The following PLCZ1 variants were observed in gnomAD, a reference collection of about 807,000 sequenced individuals.
PLCZ1 encodes phospholipase C zeta 1, also known as 1-phosphatidylinositol 4,5-bisphosphate phosphodiesterase zeta-1.
Under a neutral mutation model 76.8 loss-of-function variants are expected in PLCZ1, and 64 were observed. The ratio of observed to expected loss-of-function variants is 0.83; its 90% CI spans 0.68 to 1.03. The LOEUF is 1.03. Among genes scored for constraint, PLCZ1 ranks in the 50% least tolerant of loss-of-function variants. The pLI is 0.00. For missense variants in PLCZ1, 751 were observed against 713.7 expected, an observed-to-expected ratio of 1.05 and a Z score of -0.60; for synonymous variants, 248 against 230.8, an observed-to-expected ratio of 1.07 and a Z score of -0.68.
chr12:18,713,393 C>T (rs1181841387), intron 5 of PLCZ1, among the ~76,000 whole-genome samples: 1 of 152,098 alleles, frequency 6.6e-6, no homozygotes, highest in Non-Finnish European at 1.5e-5. Flanking sequence ...TCAAAGCCCT[C>T]TCAGAATAGT....
At chr12:18,654,843 A>G in the PLCZ1 span, among the ~76,000 whole-genome samples, 3 of 152,188 alleles carry the variant, frequency 2.0e-5, no homozygotes, top group Non-Finnish European at 4.4e-5. Context: ...AATGTGGGAC[A>G]TTCTCAAGAT....
intron 1 of PLCZ1, 110 bp from the exon 2 acceptor site, chr12:18,737,619 T>G: frequency 1.6e-6 from 1 of 611,276 alleles, no homozygotes; most frequent in East Asian, 2.9e-5. Context: ...TGCACTACCC[T>G]GCCCTTGAAA....
intron 4 of PLCZ1, among the ~76,000 whole-genome samples, chr12:18,722,385 T>C (rs73346957): frequency 0.054 from 8,203 of 152,180 alleles, 537 homozygotes; most frequent in African/African-American, 0.15. Flanking sequence ...TACAGATAAA[T>C]ATTTGAATAA....
chr12:18,697,866 G>C (rs1352837117), intron 10 of PLCZ1, among the ~76,000 whole-genome samples: 1 of 141,418 alleles, frequency 7.1e-6, no homozygotes, highest in Admixed American at 7.2e-5. Context: ...AACCTTTGCA[G>C]ACATCATTGA....
At chr12:18,669,974 C>T in the PLCZ1 span, among the ~76,000 whole-genome samples, 58,737 of 151,868 alleles carry the variant, frequency 0.39, 14,116 homozygotes, top group South Asian at 0.59. Flanking sequence ...GGCCCTCTTC[C>T]TCTTCTTATA....
the PLCZ1 span, among the ~76,000 whole-genome samples, chr12:18,675,571 T>C: frequency 6.6e-6 from 1 of 152,192 alleles, no homozygotes; most frequent in African/African-American, 2.4e-5. Flanking sequence ...CCTGCACCTG[T>C]ATGTTTGTCA....
At chr12:18,684,087 T>C (rs370662043) in intron 14 of PLCZ1, 43 bp downstream of exon 14, 18 of 1,600,206 alleles carry the variant, frequency 1.1e-5, no homozygotes, top group Admixed American at 3.4e-5. Context: ...ACACAAGTTA[T>C]ATTTAAATGC....
At chr12:18,691,885 G>A (rs765582010) in intron 12 of PLCZ1, among the ~76,000 whole-genome samples, 4 of 152,132 alleles carry the variant, frequency 2.6e-5, no homozygotes, top group Non-Finnish European at 4.4e-5. Context: ...GCAATGGTCA[G>A]GATCATTCTA....
chr12:18,678,652 GATTC>G (rs988352607), downstream of PLCZ1, among the ~76,000 whole-genome samples: 11 of 151,868 alleles, frequency 7.2e-5, no homozygotes, highest in African/African-American at 2.7e-4. Flanking sequence ...TAATCATTTT[GATTC>G]ATTGTTATTA....
downstream of PLCZ1, among the ~76,000 whole-genome samples, chr12:18,682,227 A>T (rs1952488460): frequency 1.3e-5 from 2 of 152,084 alleles, no homozygotes; most frequent in African/African-American, 4.8e-5. Flanking sequence ...TTTAGTACTG[A>T]GAGTAAACCA....
intron 4 of PLCZ1, 77 bp from the exon 5 acceptor site, chr12:18,719,709 A>G: frequency 1.0e-6 from 1 of 971,242 alleles, no homozygotes; most frequent in East Asian, 2.7e-5. Context: ...TCTCACTTGT[A>G]AACTTACTCA....
intron 3 of PLCZ1, among the ~76,000 whole-genome samples, chr12:18,727,991 A>G (rs575547637): frequency 6.6e-6 from 1 of 152,272 alleles, no homozygotes; most frequent in South Asian, 2.1e-4. Context: ...AACCTCTTCA[A>G]TTTCTGCTTA....
At chr12:18,658,473 A>G in the PLCZ1 span, among the ~76,000 whole-genome samples, 1 of 152,180 alleles carries the variant, frequency 6.6e-6, no homozygotes, top group Admixed American at 6.6e-5. Flanking sequence ...GAAATCCTCA[A>G]TAAGATTAAT....
At position 18,688,202 on chromosome 12, in the gene PLCZ1, T is replaced by C. The variant is rs1565653072; in HGVS notation, c.1478A>G (p.Gln493Arg). 4 of 1,609,742 alleles carry C rather than the reference T, an allele frequency of 2.5e-6. No individual in the cohort carries two copies. The highest frequency in any genetic ancestry group is 1.7e-6 in the Non-Finnish European group (2 of 1,178,124). Reference sequence around the variant, plus strand: ...AGATGATGAATGAGTAAGAGGCAACTGGATACCACTGATGAGCTGCACAAA... The same window carrying C: ...AGATGATGAATGAGTAAGAGGCAACCGGATACCACTGATGAGCTGCACAAA... ...TLTIRLISGI[Q>R]LPLTHSSSNK... Residue 493 changes from glutamine to arginine, a missense_variant, in exon 13 of 15, where the codon CAG (glutamine) becomes CGG (arginine). Gln to Arg is a conservative substitution (Grantham distance 43). Transcript: ENST00000266505.
intron 13 of PLCZ1, among the ~76,000 whole-genome samples, chr12:18,686,278 A>C (rs2137064796): frequency 6.6e-6 from 1 of 151,794 alleles, no homozygotes; most frequent in East Asian, 1.9e-4. Context: ...CTAACACTCA[A>C]CTCTGTTAAA....
chr12:18,677,531 T>C, the PLCZ1 span, among the ~76,000 whole-genome samples: 10 of 152,040 alleles, frequency 6.6e-5, no homozygotes, highest in African/African-American at 2.4e-4. Flanking sequence ...AATTTTCGTC[T>C]CTTAAAATGT....
chr12:18,648,135 G>C, the PLCZ1 span: 1 of 534,808 alleles, frequency 1.9e-6, no homozygotes, highest in East Asian at 3.3e-5. Context: ...GACAGCACAG[G>C]GTATTAAGGA....
At chr12:18,663,977 G>A in the PLCZ1 span, among the ~76,000 whole-genome samples, 1 of 152,078 alleles carries the variant, frequency 6.6e-6, no homozygotes, top group South Asian at 2.1e-4. Context: ...TATACAAATG[G>A]CTAGTAAGCA....
At chr12:18,656,161 G>C in the PLCZ1 span, among the ~76,000 whole-genome samples, 1 of 152,148 alleles carries the variant, frequency 6.6e-6, no homozygotes, top group Non-Finnish European at 1.5e-5. Flanking sequence ...GGGCACAGTG[G>C]CTCACACCTG....
Sources: gnomAD v4.1 joint callset for allele counts (sites outside exome capture counted in the v4.1 genomes callset) on GRCh38, gnomAD v4.1.1 for gene constraint, MANE v1.5 for transcripts, NCBI Gene and HGNC (gene_info 2026-07-23, HGNC 2026-07-21) for gene names.